Variants in MAMSTR observed in about 807,000 individuals in gnomAD.
MAMSTR encodes MEF2 activating motif and SAP domain containing transcriptional regulator, also known as MEF2-activating motif and SAP domain-containing transcriptional regulator.
Under a neutral mutation model 42.7 loss-of-function variants are expected in MAMSTR, and 41 were observed. That is an observed-to-expected ratio of 0.96 (90% CI 0.75 to 1.25). The LOEUF (loss-of-function observed/expected upper bound fraction) is 1.25. Among genes scored for constraint, MAMSTR ranks in the 50% most tolerant of loss-of-function variants. MAMSTR has a pLI of 0.00. For missense variants in MAMSTR, 567 were observed against 557.6 expected (o/e 1.02, Z -0.17); for synonymous variants, 265 against 244.1 (o/e 1.09, Z -0.80).
intron 4 of MAMSTR, 45 bp from the exon 5 acceptor site, chr19:48,715,491 C>T (rs369454213): frequency 6.8e-7 from 1 of 1,465,500 alleles, no homozygotes. Context: ...GCGGCTCCCA[C>T]CTTCCGGCCC....
At position 48,715,381 on chromosome 19, in the gene MAMSTR, C is replaced by T; in HGVS notation, c.306G>A (p.Gln102=). 1 of 1,530,424 alleles carries T rather than the reference C, an allele frequency of 6.5e-7. No homozygotes were observed. Among genetic ancestry groups the T allele is most frequent in the Non-Finnish European group, 8.7e-7 (1 of 1,145,828 alleles). 94.8% of individuals were successfully genotyped at this position (1,530,424 alleles called of 1,614,324 possible). A position where few individuals can be genotyped will look rare whatever the true frequency, so the allele number is the denominator to read the frequency against. Reference sequence around the variant, plus strand: ...CCTGTCTCGGCTCTGGGGGCATGTACTGGTGGTATGTCAAGTTCCCCCTGG... The same window carrying T: ...CCTGTCTCGGCTCTGGGGGCATGTATTGGTGGTATGTCAAGTTCCCCCTGG... ...SKPRGNLTYH[Q]YMPPEPRQGS... Residue 102 remains glutamine, a synonymous_variant, in exon 5 of 10, where the codon CAG becomes CAA. Transcript: ENST00000318083.
intron 9 of MAMSTR, 41 bp downstream of exon 9, chr19:48,713,675 T>C: frequency 6.2e-7 from 1 of 1,612,404 alleles, no homozygotes; most frequent in South Asian, 1.1e-5. Context: ...GTCCAGAACC[T>C]CAGCCCCCAC....
In MAMSTR at chr19:48,716,739, G is replaced by A; in HGVS notation, c.63C>T (p.Leu21=). The A allele has an allele frequency of 7.6e-7, 1 of 1,319,278 alleles. No individual in the cohort carries two copies. Among genetic ancestry groups the A allele is most frequent in the East Asian group, 3.1e-5 (1 of 32,334 alleles). The allele number at this position is 1,319,278 out of a possible 1,614,324, so 81.7% of individuals were successfully genotyped here. The part of the protein sequence containing the change: ...QIIRSKFRSV[L]QLRIHRRNQE... The stretch of plus-strand genomic sequence containing the variant: ...GATTCCGTCTGTGGATCCGAAGCTG[G>A]AGGACTGTGGAGGGAGGAGGGAGGT... The change falls in exon 3 of 10, where the codon CTC becomes CTT. Residue 21 remains leucine (L), a synonymous_variant. Transcript: ENST00000318083.
intron 3 of MAMSTR, chr19:48,716,057 G>T: frequency 1.1e-6 from 1 of 869,892 alleles, no homozygotes; most frequent in Non-Finnish European, 1.5e-6. Context: ...TGCACTCCTG[G>T]TTCTTGGGGA....
In MAMSTR at chr19:48,713,346, G is replaced by A. The variant is rs958626978; in HGVS notation, c.1169C>T (p.Pro390Leu). The A allele has an allele frequency of 1.4e-5, 22 of 1,607,978 alleles. No homozygotes were observed. In the Admixed American group the frequency reaches 3.1e-4, roughly 23 times the overall value. ...SGGPPLGSGP[P>L]PPSIFSADLS... ...GTCAGCGGAGAAGATGCTGGGGGGTGGGGGACCAGAACCCAGAGGAGGACC... is the reference window on the plus strand; with the variant it reads ...GTCAGCGGAGAAGATGCTGGGGGGTAGGGGACCAGAACCCAGAGGAGGACC... The change falls in exon 10 of 10, where the codon CCA becomes CTA. Residue 390 changes from proline (P) to leucine (L), a missense_variant. Pro to Leu is a moderately conservative substitution (Grantham distance 98). Transcript: ENST00000318083.
At chr19:48,710,596 ATTTTT>A (rs35728097), downstream of MAMSTR, among the ~76,000 whole-genome samples, 1 of 115,342 alleles carries the variant, frequency 8.7e-6, no homozygotes. Context: ...CCTGAAACCT[ATTTTT>A]TTTTTTTTTT....
rs1189423842 is a variant in MAMSTR at position 48,715,339 on chromosome 19, G to A, written c.348C>T (p.Pro116=). Reference sequence around the variant, plus strand: ...GACCCAGGGCGGACCCCTCGGCTTGGGGGTCCGCCCTGGATCCCTGTCTCG... The same window carrying A: ...GACCCAGGGCGGACCCCTCGGCTTGAGGGTCCGCCCTGGATCCCTGTCTCG... ...PEPRQGSRAD[P]QAEGSALGPP... The change falls in exon 5 of 10, where the codon CCC becomes CCT. Residue 116 remains proline (P), a synonymous_variant. Transcript: ENST00000318083. 1 of 1,567,722 alleles carries A rather than the reference G, an allele frequency of 6.4e-7. No individual in the cohort carries two copies. The highest frequency in any genetic ancestry group is 8.6e-7 in the Non-Finnish European group (1 of 1,164,814).
downstream of MAMSTR, among the ~76,000 whole-genome samples, chr19:48,708,037 C>A (rs527802969): frequency 6.6e-6 from 1 of 151,852 alleles, no homozygotes; most frequent in African/African-American, 2.4e-5. Flanking sequence ...GAGTTCAAGA[C>A]CAGCCTGACC....
downstream of MAMSTR, among the ~76,000 whole-genome samples, chr19:48,712,354 C>A (rs2032746853): frequency 6.6e-6 from 1 of 152,088 alleles, no homozygotes; most frequent in Non-Finnish European, 1.5e-5. Flanking sequence ...CTCCTCTTCC[C>A]CTTTGCTGTC....
At chr19:48,713,643 C>T (rs1033645920) in intron 9 of MAMSTR, 73 bp downstream of exon 9, 1 of 1,607,390 alleles carries the variant, frequency 6.2e-7, no homozygotes, top group African/African-American at 1.3e-5. Context: ...CTCCCCAGCT[C>T]ACGCCTCCCT....
intron 3 of MAMSTR, 152 bp from the exon 4 acceptor site, chr19:48,715,919 T>G: frequency 7.0e-7 from 1 of 1,431,752 alleles, no homozygotes; most frequent in Non-Finnish European, 9.1e-7. Flanking sequence ...GAACTGGATC[T>G]GAGGGCGGAG....
chr19:48,710,274 A>ATT (rs55986068), downstream of MAMSTR, among the ~76,000 whole-genome samples: 34 of 143,140 alleles, frequency 2.4e-4, no homozygotes, highest in African/African-American at 8.2e-4. Flanking sequence ...CTGGCTAATT[A>ATT]TTTTTTTTTT....
chr19:48,714,466 G>T lies in MAMSTR; in HGVS notation c.623C>A (p.Pro208His). Residue 208 changes from proline (P) to histidine (H), a missense_variant, in exon 7 of 10, where the codon CCC (proline) becomes CAC (histidine). Coordinates refer to ENST00000318083, the MANE Select transcript of MAMSTR (RefSeq NM_001130915.2). Reference protein sequence around the residue: ...LLERMRGGAPPRERPKPRRED... With the variant: ...LLERMRGGAPHRERPKPRRED... The stretch of plus-strand genomic sequence containing the variant: ...GCGCCGCGGCTTCGGCCGCTCGCGG[G>T]GCGGCGCGCCGCCGCGCATGCGCTC... 2 of 1,360,126 alleles carry T rather than the reference G, an allele frequency of 1.5e-6. No individual in the cohort carries two copies. Among genetic ancestry groups the T allele is most frequent in the South Asian group, 2.0e-5 (1 of 50,930 alleles). The allele number at this position is 1,360,126 out of a possible 1,614,324, so 84.3% of individuals were successfully genotyped here.
downstream of MAMSTR, among the ~76,000 whole-genome samples, chr19:48,710,375 A>C (rs1398998033): frequency 6.7e-6 from 1 of 148,378 alleles, no homozygotes; most frequent in African/African-American, 2.5e-5. Context: ...TCGGCCTCCC[A>C]AAGTGCCAGG....
Position 48,714,391 on chromosome 19 carries a change from A to C in MAMSTR, c.698T>G (p.Leu233Arg), listed in dbSNP as rs961373014. 1.3e-5 allele frequency: 18 copies of C among 1,374,460 alleles called. No homozygotes were observed. Among genetic ancestry groups the C allele is most frequent in the Non-Finnish European group, 1.7e-5 (18 of 1,071,278 alleles). The allele number at this position is 1,374,460 out of a possible 1,614,324, so 85.1% of individuals were successfully genotyped here. A position where few individuals can be genotyped will look rare whatever the true frequency, so the allele number is the denominator to read the frequency against. ...APWPRLKPKA[L>R]AAARRQGSVK... is the part of the protein sequence containing the mutation. Reference sequence around the variant, plus strand: ...CGAGCCCTGACGCCGGGCGGCTGCCAGGGCCTTGGGCTTGAGGCGCGGCCA... The same window carrying C: ...CGAGCCCTGACGCCGGGCGGCTGCCCGGGCCTTGGGCTTGAGGCGCGGCCA... Residue 233 changes from leucine to arginine, a missense_variant, in exon 7 of 10, where the codon CTG becomes CGG. Coordinates refer to ENST00000318083, the MANE Select transcript of MAMSTR (RefSeq NM_001130915.2).
intron 6 of MAMSTR, 61 bp downstream of exon 6, chr19:48,714,745 T>G: frequency 7.1e-7 from 1 of 1,403,700 alleles, no homozygotes; most frequent in Admixed American, 1.7e-5. Flanking sequence ...GCTGCGGGGT[T>G]GGAATTCTGG....
the MAMSTR span, chr19:48,705,882 C>T: frequency 1.2e-5 from 2 of 166,334 alleles, no homozygotes; most frequent in African/African-American, 4.8e-5. Flanking sequence ...GCGGCCTGGA[C>T]GACGTAGTGA....
At chr19:48,718,775 C>A (rs936113114) in intron 2 of MAMSTR, among the ~76,000 whole-genome samples, 199 bp downstream of exon 2, 2 of 152,094 alleles carry the variant, frequency 1.3e-5, no homozygotes, top group South Asian at 4.1e-4. Flanking sequence ...CATTGCTCCC[C>A]CCGTGAGCAT....
chr19:48,707,883 G>GAAAGAAAGAA (rs1555755213), downstream of MAMSTR, among the ~76,000 whole-genome samples: 3 of 106,016 alleles, frequency 2.8e-5, no homozygotes, highest in Admixed American at 9.3e-5. Flanking sequence ...AAGAAAGAAA[G>GAAAGAAAGAA]AAAGAAAAGA....
Sources: gnomAD v4.1 joint callset for allele counts (sites outside exome capture counted in the v4.1 genomes callset) on GRCh38, gnomAD v4.1.1 for gene constraint, MANE v1.5 for transcripts, NCBI Gene and HGNC (gene_info 2026-07-23, HGNC 2026-07-21) for gene names.